Variants in RCL1 observed in about 807,000 individuals in gnomAD.
RCL1 encodes RNA terminal phosphate cyclase like 1, also known as RNA 3'-terminal phosphate cyclase-like protein.
RCL1 carries 24 observed loss-of-function variants against 42.4 expected under a neutral mutation model. The ratio of observed to expected loss-of-function variants is 0.57; its 90% CI spans 0.41 to 0.80. The LOEUF (loss-of-function observed/expected upper bound fraction) is 0.80, where lower values mean the gene tolerates loss of function less well. RCL1 is among the 30% of genes least tolerant of loss of function. The pLI, the probability that RCL1 is intolerant of heterozygous loss-of-function variation, is 0.00. For synonymous variants in RCL1, 228 were observed against 177.3 expected (o/e 1.29, Z -2.27); for missense variants, 578 against 467.9 (o/e 1.24, Z -2.17).
intron 8 of RCL1, among the ~76,000 whole-genome samples, chr9:4,852,958 T>C (rs953417266): frequency 6.6e-6 from 1 of 152,074 alleles, no homozygotes; most frequent in Admixed American, 6.5e-5. Context: ...AATTTTAAAT[T>C]ATGGATTAAA....
At chr9:4,820,585 T>C (rs1290297635) in intron 1 of RCL1, among the ~76,000 whole-genome samples, 1 of 152,226 alleles carries the variant, frequency 6.6e-6, no homozygotes, top group African/African-American at 2.4e-5. Flanking sequence ...GGTTTCTTCC[T>C]TTTTTCTTTT....
intron 1 of RCL1, among the ~76,000 whole-genome samples, chr9:4,811,454 C>A (rs966979716): frequency 6.6e-6 from 1 of 152,080 alleles, no homozygotes; most frequent in Non-Finnish European, 1.5e-5. Context: ...CTCTAGTAAC[C>A]ACTATTCTAT....
chr9:4,798,436 G>T (rs186184903), intron 1 of RCL1, among the ~76,000 whole-genome samples: 37 of 152,360 alleles, frequency 2.4e-4, no homozygotes, highest in African/African-American at 8.7e-4. Context: ...AAGCCTTAGT[G>T]TCTTCCCCTG....
intron 1 of RCL1, among the ~76,000 whole-genome samples, chr9:4,807,666 T>G (rs1262221340): frequency 6.6e-6 from 1 of 152,098 alleles, no homozygotes; most frequent in Non-Finnish European, 1.5e-5. Flanking sequence ...ATTACAGGCA[T>G]GCACAAACAC....
intron 1 of RCL1, among the ~76,000 whole-genome samples, chr9:4,822,688 G>T (rs1385989396): frequency 6.6e-6 from 1 of 152,046 alleles, no homozygotes; most frequent in African/African-American, 2.4e-5. Flanking sequence ...GGGTGTAGTG[G>T]TGCACGTCTG....
At chr9:4,825,211 C>A (rs1412238526) in intron 2 of RCL1, among the ~76,000 whole-genome samples, 24 of 152,062 alleles carry the variant, frequency 1.6e-4, no homozygotes, top group Admixed American at 1.6e-3. Context: ...GTCATACTGG[C>A]AATGTAGATT....
At chr9:4,805,293 G>T (rs1269332585) in intron 1 of RCL1, among the ~76,000 whole-genome samples, 1 of 152,166 alleles carries the variant, frequency 6.6e-6, no homozygotes, top group East Asian at 1.9e-4. Flanking sequence ...GGAGGCTGAG[G>T]CAGGAGGATC....
chr9:4,796,083 T>G (rs1039716362), intron 1 of RCL1, among the ~76,000 whole-genome samples: 1 of 152,196 alleles, frequency 6.6e-6, no homozygotes, highest in Non-Finnish European at 1.5e-5. Context: ...AAACAGTTCT[T>G]TTTTTAAAGA....
At chr9:4,850,994 A>G (rs766604998) in intron 8 of RCL1, among the ~76,000 whole-genome samples, 1 of 152,152 alleles carries the variant, frequency 6.6e-6, no homozygotes, top group African/African-American at 2.4e-5. Context: ...ATTCTGTGAA[A>G]ATGGAATACA....
intron 1 of RCL1, among the ~76,000 whole-genome samples, chr9:4,807,826 G>A (rs1816035771): frequency 1.3e-5 from 2 of 152,146 alleles, no homozygotes; most frequent in African/African-American, 4.8e-5. Flanking sequence ...GCAGCTATGG[G>A]TCATTTATAA....
intron 1 of RCL1, among the ~76,000 whole-genome samples, chr9:4,819,972 C>T (rs944160765): frequency 1.3e-5 from 2 of 152,158 alleles, no homozygotes; most frequent in African/African-American, 4.8e-5. Context: ...TGTGACCCCC[C>T]CATCCACAAA....
chr9:4,833,831 A>G (rs1019841336), intron 4 of RCL1, among the ~76,000 whole-genome samples: 2 of 152,212 alleles, frequency 1.3e-5, no homozygotes, highest in African/African-American at 4.8e-5. Flanking sequence ...TCTGATTATT[A>G]AGAAATGGGC....
chr9:4,801,833 T>G (rs980831668), intron 1 of RCL1, among the ~76,000 whole-genome samples: 1 of 151,924 alleles, frequency 6.6e-6, no homozygotes, highest in Non-Finnish European at 1.5e-5. Context: ...CAGTTCAGCA[T>G]TTTTGTGTGG....
chr9:4,856,490 T>C (rs1245507800), intron 8 of RCL1, among the ~76,000 whole-genome samples: 1 of 152,184 alleles, frequency 6.6e-6, no homozygotes, highest in Admixed American at 6.5e-5. Context: ...CTGAGAACCT[T>C]ATACAGTACC....
intron 3 of RCL1, among the ~76,000 whole-genome samples, chr9:4,828,355 G>C (rs150152856): frequency 6.6e-6 from 1 of 152,124 alleles, no homozygotes; most frequent in African/African-American, 2.4e-5. Context: ...GAGATTGCTG[G>C]TATTCATCAA....
intron 1 of RCL1, among the ~76,000 whole-genome samples, chr9:4,815,151 A>G (rs759769880): frequency 6.6e-5 from 10 of 152,136 alleles, no homozygotes; most frequent in Non-Finnish European, 1.3e-4. Context: ...CTGTATGTTC[A>G]TACCTCTTAT....
At chr9:4,833,098 T>G in intron 3 of RCL1, 56 bp from the exon 4 acceptor site, 1 of 1,227,674 alleles carries the variant, frequency 8.1e-7, no homozygotes, top group Non-Finnish European at 1.2e-6. Flanking sequence ...TTTTTTTGAC[T>G]CTTGTATTCT....
At chr9:4,827,081 T>C in intron 3 of RCL1, 48 bp downstream of exon 3, 1 of 1,612,862 alleles carries the variant, frequency 6.2e-7, no homozygotes, top group East Asian at 2.2e-5. Context: ...TTGTCTCTTG[T>C]CACAACCCAA....
chr9:4,840,321 G>A (rs1203787834), intron 5 of RCL1, among the ~76,000 whole-genome samples: 1 of 152,202 alleles, frequency 6.6e-6, no homozygotes, highest in Admixed American at 6.5e-5. Context: ...TAGTGGGAAG[G>A]TCACATGTTA....
Sources: gnomAD v4.1 joint callset for allele counts (sites outside exome capture counted in the v4.1 genomes callset) on GRCh38, gnomAD v4.1.1 for gene constraint, MANE v1.5 for transcripts, NCBI Gene and HGNC (gene_info 2026-07-23, HGNC 2026-07-21) for gene names.